HYDIN: variants seen among roughly 807,000 people sequenced by gnomAD.
HYDIN encodes the protein axonemal central pair apparatus protein HYDIN.
Under a neutral mutation model 403.9 loss-of-function variants are expected in HYDIN, and 132 were observed. The ratio of observed to expected loss-of-function variants is 0.33; its 90% CI spans 0.28 to 0.38. The LOEUF is 0.38. HYDIN is among the 10% of genes least tolerant of loss of function. The pLI, the probability that HYDIN is intolerant of heterozygous loss-of-function variation, is 1.00. For synonymous variants in HYDIN, 1,202 were observed against 1,891.7 expected (o/e 0.64, Z 9.46); for missense variants, 2,827 against 5,009.5 (o/e 0.56, Z 13.15).
intron 9 of HYDIN, among the ~76,000 whole-genome samples, chr16:71,128,575 T>C (rs959875232): frequency 4.6e-5 from 7 of 151,886 alleles, no homozygotes; most frequent in Admixed American, 1.3e-4. Flanking sequence ...TCACCTCCTA[T>C]TGCTGTTTTT....
chr16:71,043,257 T>C (rs2081343342), intron 18 of HYDIN, among the ~76,000 whole-genome samples: 3 of 149,592 alleles, frequency 2.0e-5, no homozygotes, highest in Admixed American at 2.0e-4. Flanking sequence ...AACTTAGTTA[T>C]GGTGTGCCTC....
intron 2 of HYDIN, among the ~76,000 whole-genome samples, chr16:71,185,876 A>G (rs2087123875): frequency 1.3e-5 from 2 of 152,182 alleles, no homozygotes; most frequent in South Asian, 4.1e-4. Context: ...GGTTAAACAC[A>G]ATGTACTTTA....
chr16:70,853,550 A>C lies in HYDIN; in HGVS notation c.12443+1578T>G, dbSNP rs565880954. On this transcript the variant is annotated intron_variant, in intron 73 of 85. Transcript: ENST00000393567. ...TCATAAAAAGGAAGAAACTCTCAAA[A>C]CTACCTGGATGTATGTTGGAGAATT... Among the ~76,000 whole-genome samples the C allele has an allele frequency of 1.1e-3, 165 of 148,686 alleles. 1 individual carries two copies. The highest frequency in any genetic ancestry group is 4.1e-3 in the African/African-American group (157 of 38,368).
intron 9 of HYDIN, among the ~76,000 whole-genome samples, chr16:71,117,495 T>C (rs969462902): frequency 9.2e-5 from 14 of 152,172 alleles, no homozygotes; most frequent in Non-Finnish European, 1.9e-4. Flanking sequence ...ATGATCGATG[T>C]TATTTTTGTG....
At chr16:71,226,370 C>T (rs986780245) in intron 1 of HYDIN, among the ~76,000 whole-genome samples, 15 of 151,900 alleles carry the variant, frequency 9.9e-5, no homozygotes, top group African/African-American at 3.6e-4. Context: ...GGGGTTGGAA[C>T]ATTCAGCCTT....
chr16:71,008,353 T>C (rs1451763770), intron 23 of HYDIN, among the ~76,000 whole-genome samples: 1 of 152,192 alleles, frequency 6.6e-6, no homozygotes, highest in Non-Finnish European at 1.5e-5. Flanking sequence ...CTCAGGTGCC[T>C]GGACCCCTAA....
chr16:70,881,214 G>A (rs1209542432), intron 60 of HYDIN, among the ~76,000 whole-genome samples: 3 of 122,958 alleles, frequency 2.4e-5, no homozygotes, highest in East Asian at 2.1e-4. Flanking sequence ...CAACGAGAGT[G>A]AGACTGTCTC....
chr16:70,965,991 G>A (rs570538134), intron 36 of HYDIN, among the ~76,000 whole-genome samples: 126 of 152,328 alleles, frequency 8.3e-4, no homozygotes, highest in African/African-American at 2.8e-3. Flanking sequence ...AAAGCATAGA[G>A]ATGGCATAGA....
rs560744492 is a variant in HYDIN at position 71,004,330 on chromosome 16, A to G, written c.3645-12120T>C. 1.5e-4 allele frequency among the ~76,000 whole-genome samples: 22 copies of G among 150,530 alleles called. No individual in the cohort carries two copies. In the South Asian group the frequency reaches 4.6e-3, roughly 32 times the overall value. The stretch of plus-strand genomic sequence containing the variant: ...ACTCCATTTCAAAAAAAAAAAAAAA[A>G]AAGGAACTCTTGTTTTATTTTTGAT... On this transcript the variant is annotated intron_variant, in intron 23 of 85. Transcript: ENST00000393567.
At chr16:70,959,189 G>A (rs1007406453) in intron 39 of HYDIN, 2 of 152,394 alleles carry the variant, frequency 1.3e-5, no homozygotes, top group Non-Finnish European at 2.9e-5. Context: ...CTGGTTTATG[G>A]TTAGGAAAAT....
At chr16:71,176,664 C>T (rs1230834067) in intron 4 of HYDIN, among the ~76,000 whole-genome samples, 1 of 152,300 alleles carries the variant, frequency 6.6e-6, no homozygotes, top group African/African-American at 2.4e-5. Context: ...AGCAGGAGAT[C>T]CCCCAGAGCA....
intron 18 of HYDIN, among the ~76,000 whole-genome samples, chr16:71,053,004 AG>A (rs1320593264): frequency 6.6e-6 from 1 of 151,652 alleles, no homozygotes; most frequent in Non-Finnish European, 1.5e-5. Context: ...TTACAAAGAA[AG>A]GGCTAGTATC....
At chr16:70,991,875 A>C (rs2079363954) in intron 24 of HYDIN, among the ~76,000 whole-genome samples, 195 bp downstream of exon 24, 1 of 152,138 alleles carries the variant, frequency 6.6e-6, no homozygotes, top group Non-Finnish European at 1.5e-5. Flanking sequence ...GGAAGGGCTC[A>C]GTCCCCCAGG....
rs141587169 is a variant in HYDIN, at chr16:71,106,333, C to T, written c.1327+9363G>A. ...TGCCCAGCCTTTGTTTATGTTTTTACGTGCTTCACAAATACTTCAAGGGTC... is the reference window on the plus strand; with the variant it reads ...TGCCCAGCCTTTGTTTATGTTTTTATGTGCTTCACAAATACTTCAAGGGTC... On this transcript the variant is annotated intron_variant, in intron 10 of 85. Coordinates refer to ENST00000393567, the MANE Select transcript of HYDIN (RefSeq NM_001270974.2). Among the ~76,000 whole-genome samples, 1,473 of 152,082 alleles carry T rather than the reference C, an allele frequency of 9.7e-3. 14 individuals carry two copies. The highest frequency in any genetic ancestry group is 0.015 in the South Asian group (71 of 4,824).
At chr16:70,905,121 T>A (rs2076498513) in intron 50 of HYDIN, among the ~76,000 whole-genome samples, 1 of 151,966 alleles carries the variant, frequency 6.6e-6, no homozygotes, top group Admixed American at 6.5e-5. Context: ...TAGGCCATGA[T>A]GGAGGATGAA....
chr16:70,808,135 G>C (rs1010687844), intron 85 of HYDIN, 73 bp from the exon 86 acceptor site: 1 of 1,505,860 alleles, frequency 6.6e-7, no homozygotes, highest in Admixed American at 2.1e-5. Flanking sequence ...GTCTACCCCA[G>C]CCCCTCCACT....
At chr16:70,921,635 G>A (rs1350383580) in intron 45 of HYDIN, among the ~76,000 whole-genome samples, 1 of 152,170 alleles carries the variant, frequency 6.6e-6, no homozygotes, top group Admixed American at 6.5e-5. Flanking sequence ...GACCCTGGGA[G>A]AGGACTCAGC....
chr16:71,034,009 C>T (rs370526151), intron 18 of HYDIN, among the ~76,000 whole-genome samples: 40 of 152,104 alleles, frequency 2.6e-4, no homozygotes, highest in East Asian at 3.9e-4. Flanking sequence ...AAAAGCCACA[C>T]TCTCCAGTTC....
chr16:70,807,656 G>A lies in HYDIN; in HGVS notation c.15290C>T (p.Thr5097Ile). ...GSKTPITTKLTVSCPPGEGSE... is the reference protein window; with the variant it reads ...GSKTPITTKLIVSCPPGEGSE... ...CCCTTCACCAGGAGGGCAGCTCACA[G>A]TCAGCTTGGTGGTGATGGGGGTTTT... Residue 5097 changes from threonine (T) to isoleucine (I), a missense_variant, in exon 86 of 86, where the codon ACT (threonine) becomes ATT (isoleucine). Coordinates refer to ENST00000393567, the MANE Select transcript of HYDIN (RefSeq NM_001270974.2). 1.2e-6 allele frequency: 2 copies of A among 1,614,178 alleles called. No individual in the cohort carries two copies. Among genetic ancestry groups the A allele is most frequent in the Non-Finnish European group, 1.7e-6 (2 of 1,180,028 alleles).
Sources: allele counts gnomAD v4.1 joint callset (sites outside exome capture counted in the v4.1 genomes callset), GRCh38; gene constraint gnomAD v4.1.1; transcripts MANE v1.5; gene names NCBI Gene and HGNC (gene_info 2026-07-23, HGNC 2026-07-21).